The following BCKDHB variants were observed in gnomAD, a reference collection of about 807,000 sequenced individuals.
BCKDHB encodes 2-oxoisovalerate dehydrogenase subunit beta, mitochondrial.
BCKDHB carries 41 observed loss-of-function variants against 48.5 expected under a neutral mutation model. The observed-to-expected ratio is 0.85, with a 90% CI of 0.66 to 1.10. The LOEUF is 1.10. Among genes scored for constraint, BCKDHB ranks in the 50% least tolerant of loss-of-function variants. BCKDHB has a pLI of 0.00. For synonymous variants in BCKDHB, 201 were observed against 174.8 expected (o/e 1.15, Z -1.18); for missense variants, 496 against 494.2 (o/e 1.00, Z -0.03).
chr6:80,405,984 GC>G, the BCKDHB span, among the ~76,000 whole-genome samples: 1 of 150,084 alleles, frequency 6.7e-6, no homozygotes, highest in South Asian at 2.1e-4. Flanking sequence ...CCAGGCCCCC[GC>G]CCCCACCAGG....
the BCKDHB span, among the ~76,000 whole-genome samples, chr6:80,420,940 G>C: frequency 6.6e-6 from 1 of 152,182 alleles, no homozygotes. Context: ...GACATGTAGA[G>C]TGAAACTGTT....
chr6:80,390,472 CT>C, the BCKDHB span, among the ~76,000 whole-genome samples: 1 of 152,212 alleles, frequency 6.6e-6, no homozygotes, highest in Non-Finnish European at 1.5e-5. Context: ...TTTCCTCCTT[CT>C]TTTGTTAAAA....
At chr6:80,237,273 G>A (rs1368500780) in intron 8 of BCKDHB, among the ~76,000 whole-genome samples, 4 of 152,162 alleles carry the variant, frequency 2.6e-5, no homozygotes, top group Admixed American at 6.5e-5. Flanking sequence ...CTTAGATAGA[G>A]GCTGAAAACA....
intron 8 of BCKDHB, among the ~76,000 whole-genome samples, chr6:80,204,693 A>T (rs963135210): frequency 6.6e-6 from 1 of 152,084 alleles, no homozygotes; most frequent in East Asian, 1.9e-4. Context: ...AATACCTTAA[A>T]CATTCAAAAA....
At chr6:80,244,267 C>T (rs1054954255) in intron 8 of BCKDHB, among the ~76,000 whole-genome samples, 7 of 152,088 alleles carry the variant, frequency 4.6e-5, no homozygotes, top group Non-Finnish European at 8.8e-5. Flanking sequence ...TACACACGTG[C>T]GCATGTAGGT....
At chr6:80,225,775 G>T (rs1775653468) in intron 8 of BCKDHB, among the ~76,000 whole-genome samples, 1 of 151,848 alleles carries the variant, frequency 6.6e-6, no homozygotes, top group Admixed American at 6.6e-5. Flanking sequence ...TCTTCATTCT[G>T]CTCCTTCCTT....
chr6:80,367,307 T>G, the BCKDHB span, among the ~76,000 whole-genome samples: 2 of 152,150 alleles, frequency 1.3e-5, no homozygotes, highest in African/African-American at 4.8e-5. Flanking sequence ...TTTTACCACT[T>G]TTCTTCATAT....
chr6:80,351,133 G>T (rs1770382665), downstream of BCKDHB, among the ~76,000 whole-genome samples: 1 of 152,166 alleles, frequency 6.6e-6, no homozygotes, highest in Admixed American at 6.5e-5. Flanking sequence ...TCATGGGGTT[G>T]TACTTCATTT....
At chr6:80,210,152 AAAC>A (rs1210576900) in intron 8 of BCKDHB, among the ~76,000 whole-genome samples, 31 of 143,208 alleles carry the variant, frequency 2.2e-4, no homozygotes, top group African/African-American at 7.2e-4. Flanking sequence ...AAAAAAAAAA[AAAC>A]CAGAAGCGTT....
chr6:80,296,946 C>T (rs1382515569), intron 9 of BCKDHB, among the ~76,000 whole-genome samples: 1 of 152,196 alleles, frequency 6.6e-6, no homozygotes, highest in African/African-American at 2.4e-5. Context: ...TTTCTTTACA[C>T]AGCTTGCATG....
At chr6:80,435,866 T>C in the BCKDHB span, among the ~76,000 whole-genome samples, 1 of 152,158 alleles carries the variant, frequency 6.6e-6, no homozygotes, top group East Asian at 1.9e-4. Flanking sequence ...AACCCGTCTC[T>C]ACTAAAAATA....
At chr6:80,358,358 CT>C in the BCKDHB span, among the ~76,000 whole-genome samples, 1 of 152,000 alleles carries the variant, frequency 6.6e-6, no homozygotes, top group African/African-American at 2.4e-5. Flanking sequence ...TGAGTTGTTA[CT>C]TTTTTAAAAG....
chr6:80,422,065 G>A, the BCKDHB span, among the ~76,000 whole-genome samples: 5 of 152,142 alleles, frequency 3.3e-5, no homozygotes, highest in South Asian at 4.1e-4. Context: ...CCCATCACAG[G>A]TCTAGAAGTC....
chr6:80,373,753 G>T, the BCKDHB span, among the ~76,000 whole-genome samples: 1 of 152,246 alleles, frequency 6.6e-6, no homozygotes, highest in Admixed American at 6.5e-5. Context: ...TTATCATTAT[G>T]TAATGTGCCT....
Position 80,167,769 on chromosome 6 carries a change from G to T in BCKDHB, c.435G>T (p.Ala145=), listed in dbSNP as rs370267903. The change falls in exon 4 of 10, where the codon GCG becomes GCT. Residue 145 remains alanine (A), a synonymous_variant. Coordinates refer to ENST00000320393, the MANE Select transcript of BCKDHB (RefSeq NM_183050.4). ...CGGTCACTGGAGCTACTGCCATTGC[G>T]GAAATTCAGTTTGCAGATTATATTT... The part of the protein sequence containing the change: ...GIAVTGATAI[A]EIQFADYIFP... The T allele has an allele frequency of 1.2e-6, 2 of 1,613,726 alleles. No homozygotes were observed. Among genetic ancestry groups the T allele is most frequent in the East Asian group, 4.5e-5 (2 of 44,858 alleles).
chr6:80,370,720 C>T, the BCKDHB span, among the ~76,000 whole-genome samples: 1 of 151,802 alleles, frequency 6.6e-6, no homozygotes, highest in East Asian at 1.9e-4. Flanking sequence ...GCTGTGAAGT[C>T]ATTATTTCAT....
At chr6:80,444,912 T>G in the BCKDHB span, among the ~76,000 whole-genome samples, 1 of 152,212 alleles carries the variant, frequency 6.6e-6, no homozygotes, top group East Asian at 1.9e-4. Context: ...GAACAATTAT[T>G]AACACTACCT....
At chr6:80,169,357 A>G (rs1387204573) in intron 5 of BCKDHB, among the ~76,000 whole-genome samples, 1 of 152,172 alleles carries the variant, frequency 6.6e-6, no homozygotes, top group Non-Finnish European at 1.5e-5. Context: ...TTCTAACTTA[A>G]GTCTTTCTCA....
the BCKDHB span, among the ~76,000 whole-genome samples, chr6:80,362,904 G>A: frequency 2.6e-5 from 4 of 152,048 alleles, no homozygotes; most frequent in Non-Finnish European, 2.9e-5. Flanking sequence ...AACCAAAGAC[G>A]TGCCTTTAGA....
Sources: gnomAD v4.1 joint callset for allele counts (sites outside exome capture counted in the v4.1 genomes callset) on GRCh38, gnomAD v4.1.1 for gene constraint, MANE v1.5 for transcripts, NCBI Gene and HGNC (gene_info 2026-07-23, HGNC 2026-07-21) for gene names.